Variants in ERI3 observed in about 807,000 individuals in gnomAD.
ERI3 encodes the protein ERI1 exoribonuclease family member 3.
ERI3 carries 18 observed loss-of-function variants against 44.4 expected under a neutral mutation model. The observed-to-expected ratio is 0.41, with a 90% CI of 0.28 to 0.60. The LOEUF (loss-of-function observed/expected upper bound fraction) is 0.60, where lower values mean the gene tolerates loss of function less well. Ranked by LOEUF, ERI3 falls within the 20% of genes least tolerant of loss-of-function variation. The pLI, the probability that ERI3 is intolerant of heterozygous loss-of-function variation, is 0.36. For synonymous variants in ERI3, 183 were observed against 164.8 expected (o/e 1.11, Z -0.84); for missense variants, 294 against 435.5 (o/e 0.68, Z 2.89).
chr1:44,338,648 A>G (rs1646583204), intron 3 of ERI3, among the ~76,000 whole-genome samples: 2 of 152,188 alleles, frequency 1.3e-5, no homozygotes, highest in Admixed American at 6.5e-5. Flanking sequence ...TCAGTGCAGG[A>G]GGGGAACTAC....
At chr1:44,223,465 A>G (rs559018018) in intron 8 of ERI3, among the ~76,000 whole-genome samples, 1 of 152,046 alleles carries the variant, frequency 6.6e-6, no homozygotes, top group Non-Finnish European at 1.5e-5. Context: ...TTCTTCCCAA[A>G]TAAGTCTGGC....
intron 8 of ERI3, among the ~76,000 whole-genome samples, chr1:44,225,639 A>G (rs1287444260): frequency 2.0e-5 from 3 of 152,218 alleles, no homozygotes; most frequent in African/African-American, 7.2e-5. Flanking sequence ...GGCTGGGCCC[A>G]AGGACAGTCA....
intron 7 of ERI3, among the ~76,000 whole-genome samples, chr1:44,271,887 G>A (rs770453462): frequency 6.6e-6 from 1 of 152,194 alleles, no homozygotes; most frequent in Non-Finnish European, 1.5e-5. Flanking sequence ...ACTCTGTCCC[G>A]CAGTGTGAGC....
chr1:44,223,371 C>T (rs1179289719), intron 8 of ERI3, among the ~76,000 whole-genome samples: 1 of 151,862 alleles, frequency 6.6e-6, no homozygotes. Flanking sequence ...GGAATGGGAC[C>T]GGAAGGGGCC....
intron 2 of ERI3, among the ~76,000 whole-genome samples, chr1:44,346,137 C>T (rs1646778423): frequency 1.3e-5 from 2 of 152,218 alleles, no homozygotes; most frequent in African/African-American, 2.4e-5. Context: ...AAAACAGTCT[C>T]CTCTTCTCTA....
rs1288291895 is a variant in ERI3 at position 44,221,654 on chromosome 1, A to G, written c.932-14T>C. On this transcript the variant is annotated splice_polypyrimidine_tract_variant and intron_variant, in intron 8 of 8. Coordinates refer to ENST00000372257, the MANE Select transcript of ERI3 (RefSeq NM_024066.3). The surrounding 1 kb of genome is among the most constrained non-coding windows in gnomAD (Gnocchi z 5.9). ...TCTTGCAGTCGTCTAAAAAGGAGAGAAGACATTTAGATCAGCCCCAGATCC... is the reference window on the plus strand; with the variant it reads ...TCTTGCAGTCGTCTAAAAAGGAGAGGAGACATTTAGATCAGCCCCAGATCC... 6.2e-7 allele frequency: 1 copy of G among 1,610,302 alleles called. No individual in the cohort carries two copies. The highest frequency in any genetic ancestry group is 1.7e-5 in the Admixed American group (1 of 60,010).
Position 44,232,226 on chromosome 1 carries a change from A to G in ERI3, c.932-10586T>C, listed in dbSNP as rs1644201531. 4.6e-5 allele frequency among the ~76,000 whole-genome samples: 7 copies of G among 152,358 alleles called. No individual in the cohort carries two copies. The South Asian group carries it at 1.4e-3, about 32-fold the overall frequency. On this transcript the variant is annotated intron_variant, in intron 8 of 8. Transcript: ENST00000372257. ...GAATGACATAAGGAATGGACCTTAC[A>G]ACATAGAACTCACTGAATAAAGGAG... is the stretch of plus-strand genomic sequence containing the variant.
intron 5 of ERI3, among the ~76,000 whole-genome samples, chr1:44,308,955 G>A (rs12744636): frequency 0.25 from 37,662 of 152,104 alleles, 4,751 homozygotes; most frequent in Non-Finnish European, 0.26. Flanking sequence ...TGACACCTGG[G>A]ACAGTGCTGC....
chr1:44,320,809 G>A (rs1429342223), intron 3 of ERI3, among the ~76,000 whole-genome samples: 1 of 151,628 alleles, frequency 6.6e-6, no homozygotes, highest in African/African-American at 2.4e-5. Context: ...GAGACAAATA[G>A]GAAATAATAA....
chr1:44,348,652 T>C (rs1646831963), intron 2 of ERI3, among the ~76,000 whole-genome samples: 1 of 152,186 alleles, frequency 6.6e-6, no homozygotes, highest in Non-Finnish European at 1.5e-5. Flanking sequence ...CTAGCAATCA[T>C]TAATTAAAAC....
chr1:44,288,689 C>T (rs1198869438), intron 6 of ERI3, among the ~76,000 whole-genome samples: 1 of 152,168 alleles, frequency 6.6e-6, no homozygotes, highest in Non-Finnish European at 1.5e-5. Flanking sequence ...TGTATAGATA[C>T]ACTCAGGGCT....
intron 3 of ERI3, among the ~76,000 whole-genome samples, chr1:44,325,134 T>C (rs987209056): frequency 2.1e-5 from 3 of 145,070 alleles, no homozygotes; most frequent in East Asian, 4.1e-4. Flanking sequence ...TGGAGTGCAA[T>C]GGCACAATCT....
Position 44,221,567 on chromosome 1 carries a change from C to T in ERI3, c.1005G>A (p.Lys335=). The change falls in exon 9 of 9, where the codon AAG becomes AAA. Residue 335 remains lysine (K), a synonymous_variant. Coordinates refer to ENST00000372257, the MANE Select transcript of ERI3 (RefSeq NM_024066.3). This position sits in a 1 kb window ranked among gnomAD's most constrained non-coding sequence, Gnocchi z 5.9. ...TCCTGTCCTCGGCCAATCAGAACGGCTTCGATGTCTGCTTGAAGATGAAGC... is the reference window on the plus strand; with the variant it reads ...TCCTGTCCTCGGCCAATCAGAACGGTTTCGATGTCTGCTTGAAGATGAAGC... ...YRGFIFKQTS[K]PF The T allele has an allele frequency of 6.2e-7, 1 of 1,614,108 alleles. No homozygotes were observed. Among genetic ancestry groups the T allele is most frequent in the African/African-American group, 1.3e-5 (1 of 75,058 alleles).
chr1:44,344,276 T>TAAATAAAA (rs1384003455), intron 2 of ERI3, among the ~76,000 whole-genome samples: 19 of 149,340 alleles, frequency 1.3e-4, no homozygotes, highest in South Asian at 4.4e-4. Flanking sequence ...AATAAATAAA[T>TAAATAAAA]AAAATTGTTT....
At chr1:44,349,819 C>A (rs1451961619) in intron 2 of ERI3, among the ~76,000 whole-genome samples, 1 of 152,200 alleles carries the variant, frequency 6.6e-6, no homozygotes, top group Admixed American at 6.5e-5. Flanking sequence ...AAGGCACTTG[C>A]CCAAGGTCAC....
chr1:44,353,024 G>C, intron 1 of ERI3, 99 bp from the exon 2 acceptor site: 1 of 1,575,266 alleles, frequency 6.3e-7, no homozygotes, highest in Non-Finnish European at 8.6e-7. Context: ...CTCAAACTTC[G>C]GGATAACTGC....
intron 6 of ERI3, among the ~76,000 whole-genome samples, chr1:44,304,283 G>A (rs559006037): frequency 1.3e-5 from 2 of 152,090 alleles, no homozygotes; most frequent in African/African-American, 4.8e-5. Context: ...TGGCAAAGAC[G>A]AGATCACTCT....
intron 8 of ERI3, chr1:44,244,124 C>T (rs887400605): frequency 6.6e-6 from 1 of 152,592 alleles, no homozygotes; most frequent in Admixed American, 6.5e-5. Context: ...TGAAGGACCA[C>T]TCAGCAGTCC....
chr1:44,270,307 G>GTA (rs1645064785), intron 7 of ERI3, among the ~76,000 whole-genome samples: 1 of 152,156 alleles, frequency 6.6e-6, no homozygotes, highest in Non-Finnish European at 1.5e-5. Flanking sequence ...ATGCCTCTTA[G>GTA]TTTACTGAAG....
Sources: gnomAD v4.1 joint callset for allele counts (sites outside exome capture counted in the v4.1 genomes callset) on GRCh38, gnomAD v4.1.1 for gene constraint, Gnocchi (gnomAD v3.1) non-coding constraint, MANE v1.5 for transcripts, NCBI Gene and HGNC (gene_info 2026-07-23, HGNC 2026-07-21) for gene names.